The following DOCK3 variants were observed in gnomAD, a reference collection of about 807,000 sequenced individuals.
DOCK3 encodes the protein dedicator of cytokinesis protein 3.
Under a neutral mutation model 265.6 loss-of-function variants are expected in DOCK3, and 60 were observed. That is an observed-to-expected ratio of 0.23 (90% CI 0.18 to 0.28). The LOEUF (loss-of-function observed/expected upper bound fraction) is 0.28. Ranked by LOEUF, DOCK3 falls within the 10% of genes least tolerant of loss-of-function variation. DOCK3 has a pLI of 1.00. For missense variants in DOCK3, 1,981 were observed against 2,594.3 expected, an observed-to-expected ratio of 0.76 and a Z score of 5.14; for synonymous variants, 881 against 938.0, an observed-to-expected ratio of 0.94 and a Z score of 1.11.
At chr3:50,968,056 A>G (rs570816464) in intron 5 of DOCK3, among the ~76,000 whole-genome samples, 2 of 152,250 alleles carry the variant, frequency 1.3e-5, no homozygotes, top group Admixed American at 6.5e-5. Context: ...TATATTAACC[A>G]TTCTAACTGA....
At chr3:51,325,585 T>C (rs1226890444) in intron 32 of DOCK3, among the ~76,000 whole-genome samples, 2 of 152,202 alleles carry the variant, frequency 1.3e-5, no homozygotes, top group Non-Finnish European at 2.9e-5. Flanking sequence ...GGATTATAAA[T>C]CATTCTACTA....
chr3:50,718,831 C>G (rs1253994399), intron 1 of DOCK3, among the ~76,000 whole-genome samples: 1 of 137,372 alleles, frequency 7.3e-6, no homozygotes, highest in East Asian at 2.2e-4. Context: ...GTCACCCAGG[C>G]CAGAGTGCAG....
chr3:51,123,988 T>C (rs936056622), intron 9 of DOCK3, among the ~76,000 whole-genome samples: 3 of 152,178 alleles, frequency 2.0e-5, no homozygotes, highest in African/African-American at 2.4e-5. Context: ...ACCATGAGCG[T>C]GTAGACCACA....
At chr3:51,013,881 G>T (rs2079047684) in intron 5 of DOCK3, among the ~76,000 whole-genome samples, 1 of 152,160 alleles carries the variant, frequency 6.6e-6, no homozygotes, top group African/African-American at 2.4e-5. Context: ...AGCAATGGCG[G>T]ACGCCCCTCC....
chr3:51,039,009 T>G (rs1214451725), intron 5 of DOCK3, among the ~76,000 whole-genome samples: 1 of 152,042 alleles, frequency 6.6e-6, no homozygotes, highest in Non-Finnish European at 1.5e-5. Context: ...ATTATTATTA[T>G]TTTTGAGATG....
At chr3:51,267,688 A>G (rs2080271729) in intron 23 of DOCK3, among the ~76,000 whole-genome samples, 1 of 152,166 alleles carries the variant, frequency 6.6e-6, no homozygotes. Context: ...GCCCAGCCAC[A>G]CACATACGTT....
intron 21 of DOCK3, among the ~76,000 whole-genome samples, chr3:51,245,045 C>T (rs2078763394): frequency 6.6e-6 from 1 of 152,140 alleles, no homozygotes; most frequent in Non-Finnish European, 1.5e-5. Flanking sequence ...ACCATTAAAG[C>T]AAGCCAGGCA....
chr3:51,230,818 G>T (rs183329676), intron 19 of DOCK3, among the ~76,000 whole-genome samples: 2 of 152,002 alleles, frequency 1.3e-5, no homozygotes, highest in African/African-American at 4.8e-5. Context: ...CCCGACCTAT[G>T]TACCACATTT....
intron 38 of DOCK3, among the ~76,000 whole-genome samples, chr3:51,344,397 G>A (rs1378762429): frequency 6.6e-6 from 1 of 152,184 alleles, no homozygotes; most frequent in Non-Finnish European, 1.5e-5. Context: ...AAGGTGGGCG[G>A]ATCACTTGAG....
chr3:50,858,533 G>T (rs2046738056), intron 3 of DOCK3, among the ~76,000 whole-genome samples: 1 of 151,902 alleles, frequency 6.6e-6, no homozygotes, highest in African/African-American at 2.4e-5. Context: ...TGCCCTGATG[G>T]GGATCCCTTT....
chr3:51,378,016 G>C (rs2088278564), intron 51 of DOCK3, among the ~76,000 whole-genome samples: 1 of 152,212 alleles, frequency 6.6e-6, no homozygotes, highest in Non-Finnish European at 1.5e-5. Flanking sequence ...ACACCAAGAA[G>C]CTCATGCTGC....
intron 23 of DOCK3, among the ~76,000 whole-genome samples, chr3:51,263,074 A>G (rs562624788): frequency 7.9e-5 from 12 of 152,346 alleles, no homozygotes; most frequent in African/African-American, 2.9e-4. Context: ...AGAGAACACC[A>G]CAAAGATACT....
At chr3:50,766,967 GT>G (rs1268880764) in intron 1 of DOCK3, among the ~76,000 whole-genome samples, 5 of 150,774 alleles carry the variant, frequency 3.3e-5, no homozygotes, top group African/African-American at 4.9e-5. Flanking sequence ...TTTGGATGGG[GT>G]TTTTTTTTGT....
chr3:51,315,878 G>A (rs2083334000), intron 32 of DOCK3, among the ~76,000 whole-genome samples: 3 of 152,120 alleles, frequency 2.0e-5, no homozygotes, highest in Admixed American at 2.0e-4. Flanking sequence ...CTTGGGAATT[G>A]TACCAGTTCC....
intron 5 of DOCK3, among the ~76,000 whole-genome samples, chr3:50,977,754 C>T (rs2077515883): frequency 6.6e-6 from 1 of 152,082 alleles, no homozygotes; most frequent in Non-Finnish European, 1.5e-5. Flanking sequence ...AACTTGGTTC[C>T]ATTCTCCCCG....
At chr3:51,146,695 C>T (rs2107293475) in intron 10 of DOCK3, 65 bp downstream of exon 10, 1 of 1,430,644 alleles carries the variant, frequency 7.0e-7, no homozygotes, top group Non-Finnish European at 9.6e-7. Flanking sequence ...TATGTGGATA[C>T]TGTCACCCTG....
intron 9 of DOCK3, among the ~76,000 whole-genome samples, chr3:51,132,836 G>T (rs2084617803): frequency 6.6e-6 from 1 of 152,176 alleles, no homozygotes; most frequent in Non-Finnish European, 1.5e-5. Context: ...GGGACACTGA[G>T]TTTGTGAACT....
At chr3:51,197,406 A>G (rs1187968563) in intron 12 of DOCK3, among the ~76,000 whole-genome samples, 1 of 152,160 alleles carries the variant, frequency 6.6e-6, no homozygotes, top group Non-Finnish European at 1.5e-5. Flanking sequence ...CAGTAGCGGT[A>G]GTGGGACAAC....
rs1453499062 is a variant in DOCK3, at chr3:51,310,243, G to A, written c.2934G>A (p.Leu978=). The A allele has an allele frequency of 6.2e-7, 1 of 1,600,730 alleles. No homozygotes were observed. Among genetic ancestry groups the A allele is most frequent in the Non-Finnish European group, 8.5e-7 (1 of 1,173,382 alleles). The change falls in exon 28 of 53, where the codon CTG becomes CTA. Residue 978 remains leucine, a synonymous_variant. Transcript: ENST00000266037. ...QSKDELKEFL[L]KIFCVFRNLM... is the part of the protein sequence containing the mutation. ...TCCTCTGCTGTCAGGAATTTCTGCT[G>A]AAGATTTTTTGCGTGTTCCGGAACC... is the stretch of plus-strand genomic sequence containing the variant.
Sources: gnomAD v4.1 joint callset for allele counts (sites outside exome capture counted in the v4.1 genomes callset) on GRCh38, gnomAD v4.1.1 for gene constraint, MANE v1.5 for transcripts, NCBI Gene and HGNC (gene_info 2026-07-23, HGNC 2026-07-21) for gene names.